FGD4: variants seen among roughly 807,000 people sequenced by gnomAD.
The protein encoded by FGD4 is FYVE, RhoGEF and PH domain containing 4, also known as FYVE, RhoGEF and PH domain-containing protein 4.
In FGD4, 42 loss-of-function variants were observed where a neutral mutation model predicts 102.0. The observed-to-expected ratio is 0.41, with a 90% CI of 0.32 to 0.53. The LOEUF is 0.53. Ranked by LOEUF, FGD4 falls within the 20% of genes least tolerant of loss-of-function variation. The pLI, the probability that FGD4 is intolerant of heterozygous loss-of-function variation, is 0.21. For synonymous variants in FGD4, 380 were observed against 375.7 expected (o/e 1.01, Z -0.13); for missense variants, 902 against 1,078.2 (o/e 0.84, Z 2.29).
At chr12:32,520,094 G>A (rs555146705) in intron 1 of FGD4, among the ~76,000 whole-genome samples, 2 of 152,262 alleles carry the variant, frequency 1.3e-5, no homozygotes, top group Admixed American at 6.5e-5. Flanking sequence ...ACTGGTAGAT[G>A]GTATTTAAAA....
At chr12:32,621,005 A>G (rs1949808672) in intron 11 of FGD4, among the ~76,000 whole-genome samples, 1 of 152,068 alleles carries the variant, frequency 6.6e-6, no homozygotes, top group East Asian at 1.9e-4. Flanking sequence ...GAACGACTGC[A>G]GTTGATCATA....
At chr12:32,507,763 C>T (rs1242868520) in intron 1 of FGD4, among the ~76,000 whole-genome samples, 2 of 152,190 alleles carry the variant, frequency 1.3e-5, no homozygotes. Context: ...TAAACCTCAT[C>T]TTCCCCATTT....
At chr12:32,636,660 A>G (rs530050835) in intron 15 of FGD4, among the ~76,000 whole-genome samples, 2 of 151,966 alleles carry the variant, frequency 1.3e-5, no homozygotes, top group African/African-American at 4.8e-5. Context: ...TTGTTATAAA[A>G]GTTTAATACT....
At chr12:32,611,909 C>A (rs1002392264) in intron 10 of FGD4, among the ~76,000 whole-genome samples, 1 of 152,208 alleles carries the variant, frequency 6.6e-6, no homozygotes, top group African/African-American at 2.4e-5. Context: ...GCCCGGGAAG[C>A]CCCCTGTACC....
chr12:32,589,690 C>T (rs1381700254), intron 4 of FGD4, among the ~76,000 whole-genome samples: 1 of 152,146 alleles, frequency 6.6e-6, no homozygotes, highest in African/African-American at 2.4e-5. Context: ...GTGCAAGTAA[C>T]CAAACTTTTT....
chr12:32,552,434 ATTTTTTTTTTTTT>A (rs66646521), intron 1 of FGD4, among the ~76,000 whole-genome samples: 21,576 of 121,104 alleles, frequency 0.18, 2,370 homozygotes, highest in African/African-American at 0.33. Context: ...TAATTTTTGC[ATTTTTTTTTTTTT>A]TTTTTTTTTT....
intron 1 of FGD4, among the ~76,000 whole-genome samples, chr12:32,403,683 G>A (rs1286623489): frequency 1.4e-5 from 2 of 142,592 alleles, no homozygotes; most frequent in African/African-American, 2.6e-5. Context: ...TGCAACCTCC[G>A]CCATCTGGGC....
At chr12:32,420,241 C>T (rs1941581749) in intron 1 of FGD4, among the ~76,000 whole-genome samples, 1 of 152,124 alleles carries the variant, frequency 6.6e-6, no homozygotes, top group Non-Finnish European at 1.5e-5. Context: ...CCTAACAGTT[C>T]CTTGTGGCAG....
At chr12:32,629,842 T>C (rs1950395514) in intron 14 of FGD4, among the ~76,000 whole-genome samples, 1 of 152,240 alleles carries the variant, frequency 6.6e-6, no homozygotes, top group South Asian at 2.1e-4. Flanking sequence ...TTCAAATTTG[T>C]ATCTAATAAT....
rs554368538 is a variant in FGD4 at position 32,516,557 on chromosome 12, T to C, written c.167-47580T>C. Reference sequence around the variant, plus strand: ...ATAGAAATAATGGTAATGGTGTCACTGACAAGTTATCTGTTGTAAATATAT... The same window carrying C: ...ATAGAAATAATGGTAATGGTGTCACCGACAAGTTATCTGTTGTAAATATAT... On this transcript the variant is annotated intron_variant, in intron 1 of 16. Coordinates refer to ENST00000534526, the MANE Select transcript of FGD4 (RefSeq NM_001370298.3). Among the ~76,000 whole-genome samples the C allele has an allele frequency of 6.6e-5, 10 of 152,360 alleles. No homozygotes were observed. The South Asian group carries it at 8.3e-4, about 13-fold the overall frequency.
chr12:32,587,699 T>C (rs1452233363), intron 4 of FGD4, among the ~76,000 whole-genome samples: 3 of 152,172 alleles, frequency 2.0e-5, no homozygotes, highest in East Asian at 1.9e-4. Flanking sequence ...CACATCACTT[T>C]AACAAACTCT....
At chr12:32,611,448 A>G (rs1949127897) in intron 10 of FGD4, among the ~76,000 whole-genome samples, 165 bp downstream of exon 10, 1 of 152,092 alleles carries the variant, frequency 6.6e-6, no homozygotes, top group Admixed American at 6.6e-5. Context: ...AAAGTAGCTG[A>G]GTGTGGTGGC....
chr12:32,492,311 C>T (rs1944125394), intron 1 of FGD4, among the ~76,000 whole-genome samples: 1 of 146,904 alleles, frequency 6.8e-6, no homozygotes, highest in African/African-American at 2.5e-5. Context: ...CCCCTTTTAA[C>T]CCCAACTACC....
Position 32,582,437 on chromosome 12 carries a change from G to A in FGD4, c.981G>A (p.Leu327=). The change falls in exon 4 of 17, where the codon CTG becomes CTA. Residue 327 remains leucine, a synonymous_variant. Transcript: ENST00000534526. ...ERENGESPLE[L]EQLDQHHEMK... is the part of the protein sequence containing the mutation. ...AAAATGGGGAAAGCCCTCTGGAACTGGAGCAGCTGGACCAGCACCATGAGA... is the reference window on the plus strand; with the variant it reads ...AAAATGGGGAAAGCCCTCTGGAACTAGAGCAGCTGGACCAGCACCATGAGA... 1.2e-6 allele frequency: 2 copies of A among 1,612,186 alleles called. No homozygotes were observed. Among genetic ancestry groups the A allele is most frequent in the Non-Finnish European group, 8.5e-7 (1 of 1,180,024 alleles).
intron 1 of FGD4, chr12:32,511,246 T>C (rs1221271654): frequency 6.6e-6 from 1 of 152,230 alleles, no homozygotes; most frequent in Non-Finnish European, 1.5e-5. Context: ...GAAGCAACCA[T>C]GGTAAATCTG....
intron 1 of FGD4, among the ~76,000 whole-genome samples, chr12:32,434,131 G>C (rs1317208483): frequency 1.3e-5 from 2 of 152,152 alleles, no homozygotes; most frequent in African/African-American, 4.8e-5. Flanking sequence ...TGGGATTACA[G>C]GCATGAACCA....
intron 1 of FGD4, among the ~76,000 whole-genome samples, chr12:32,455,460 T>A (rs74865630): frequency 0.038 from 5,782 of 152,274 alleles, 170 homozygotes; most frequent in South Asian, 0.12. Context: ...ATTTCTGTGA[T>A]AGCAGAATAT....
chr12:32,440,910 C>G (rs902868327), intron 1 of FGD4, among the ~76,000 whole-genome samples: 29 of 152,332 alleles, frequency 1.9e-4, no homozygotes, highest in African/African-American at 7.0e-4. Flanking sequence ...GCAGAAGAGC[C>G]TCATCCCATA....
At chr12:32,599,534 CTTTTTTTTTTTTT>C (rs764106230) in intron 5 of FGD4, among the ~76,000 whole-genome samples, 16 of 35,358 alleles carry the variant, frequency 4.5e-4, no homozygotes, top group East Asian at 1.8e-3. Context: ...ACTAAGGCAT[CTTTTTTTTTTTTT>C]TTTTTTTTTT....
Sources: gnomAD v4.1 joint callset for allele counts (sites outside exome capture counted in the v4.1 genomes callset) on GRCh38, gnomAD v4.1.1 for gene constraint, MANE v1.5 for transcripts, NCBI Gene and HGNC (gene_info 2026-07-23, HGNC 2026-07-21) for gene names.